PPP1R1C: variants seen among roughly 807,000 people sequenced by gnomAD.
PPP1R1C encodes the protein protein phosphatase 1 regulatory subunit 1C.
PPP1R1C carries 15 observed loss-of-function variants against 17.4 expected under a neutral mutation model. The ratio of observed to expected loss-of-function variants is 0.86; its 90% CI spans 0.58 to 1.33. PPP1R1C has a LOEUF of 1.33. Among genes scored for constraint, PPP1R1C ranks in the 40% most tolerant of loss-of-function variants. The pLI, the probability that PPP1R1C is intolerant of heterozygous loss-of-function variation, is 0.00. For synonymous variants in PPP1R1C, 35 were observed against 43.1 expected, an observed-to-expected ratio of 0.81 and a Z score of 0.73; for missense variants, 143 against 130.0, an observed-to-expected ratio of 1.10 and a Z score of -0.48.
At chr2:182,013,660 C>G (rs972737460) in intron 2 of PPP1R1C, among the ~76,000 whole-genome samples, 1 of 152,074 alleles carries the variant, frequency 6.6e-6, no homozygotes. Flanking sequence ...AGACCATCAA[C>G]TCTTAGATTT....
At chr2:182,059,552 C>T (rs1687788002) in intron 2 of PPP1R1C, among the ~76,000 whole-genome samples, 1 of 152,072 alleles carries the variant, frequency 6.6e-6, no homozygotes, top group African/African-American at 2.4e-5. Flanking sequence ...GAGCTGGCAA[C>T]TATGATCTGT....
intron 4 of PPP1R1C, among the ~76,000 whole-genome samples, chr2:182,103,329 T>C (rs1008131961): frequency 6.6e-6 from 1 of 152,242 alleles, no homozygotes; most frequent in Non-Finnish European, 1.5e-5. Context: ...ATGTAATCTG[T>C]ATGAAATTGC....
intron 2 of PPP1R1C, among the ~76,000 whole-genome samples, chr2:182,052,104 G>A (rs1687539434): frequency 6.6e-6 from 1 of 152,014 alleles, no homozygotes; most frequent in African/African-American, 2.4e-5. Context: ...TAATACATTT[G>A]ATAGAAGTTA....
intron 4 of PPP1R1C, among the ~76,000 whole-genome samples, chr2:182,110,039 G>A (rs1689370949): frequency 6.6e-6 from 1 of 152,100 alleles, no homozygotes. Context: ...AAGCAAGCTG[G>A]TGTTCTATTG....
In PPP1R1C at chr2:181,987,904, A is replaced by G. The variant is rs375961208; in HGVS notation, c.142+5A>G. On this transcript the variant is annotated splice_donor_5th_base_variant and intron_variant, in intron 2 of 4. Transcript: ENST00000682840. ...TCAATGAGCATAACCCCCCAGGTAA[A>G]GAAGCATGATGTGTTTCACACTGAT... The G allele has an allele frequency of 6.8e-6, 11 of 1,610,072 alleles. No individual in the cohort carries two copies. In the African/African-American group the frequency reaches 1.5e-4, roughly 22 times the overall value.
At chr2:182,067,137 T>A (rs1463648786) in intron 4 of PPP1R1C, among the ~76,000 whole-genome samples, 2 of 152,138 alleles carry the variant, frequency 1.3e-5, no homozygotes, top group Non-Finnish European at 2.9e-5. Flanking sequence ...TTACCATTCT[T>A]AATGCATAGC....
At chr2:181,970,511 C>T (rs1684987622) in intron 1 of PPP1R1C, among the ~76,000 whole-genome samples, 1 of 152,160 alleles carries the variant, frequency 6.6e-6, no homozygotes, top group African/African-American at 2.4e-5. Context: ...TCTCTCAGTG[C>T]CGAGCTGTGC....
intron 2 of PPP1R1C, among the ~76,000 whole-genome samples, chr2:181,996,828 A>G (rs928859975): frequency 6.6e-6 from 1 of 152,254 alleles, no homozygotes; most frequent in African/African-American, 2.4e-5. Context: ...ACAACATAGA[A>G]GAATGAGAAG....
At chr2:182,002,938 C>A (rs372797632) in intron 2 of PPP1R1C, among the ~76,000 whole-genome samples, 8 of 142,246 alleles carry the variant, frequency 5.6e-5, no homozygotes, top group East Asian at 2.0e-4. Context: ...CCTCCCCCCC[C>A]CCACAACCCT....
At chr2:182,030,243 C>G (rs1020251404) in intron 2 of PPP1R1C, among the ~76,000 whole-genome samples, 1 of 152,204 alleles carries the variant, frequency 6.6e-6, no homozygotes, top group African/African-American at 2.4e-5. Flanking sequence ...CAGCTTTGTT[C>G]CATTGCTGGT....
chr2:181,993,977 T>C (rs1685540931), intron 2 of PPP1R1C, among the ~76,000 whole-genome samples: 1 of 152,032 alleles, frequency 6.6e-6, no homozygotes, highest in Non-Finnish European at 1.5e-5. Context: ...ATGTTAGTCA[T>C]TGGCAAATAG....
At chr2:182,096,192 G>T (rs1177112716) in intron 4 of PPP1R1C, among the ~76,000 whole-genome samples, 3 of 152,114 alleles carry the variant, frequency 2.0e-5, no homozygotes, top group Non-Finnish European at 4.4e-5. Context: ...GGACAAAAAG[G>T]GCTATAATTT....
downstream of PPP1R1C, among the ~76,000 whole-genome samples, chr2:182,122,250 A>G (rs1031573235): frequency 2.6e-5 from 4 of 152,176 alleles, no homozygotes; most frequent in African/African-American, 9.6e-5. Context: ...TTTTTTTACC[A>G]TTCACTTTTA....
intron 1 of PPP1R1C, among the ~76,000 whole-genome samples, chr2:181,963,117 T>C (rs1217039079): frequency 3.3e-5 from 5 of 152,206 alleles, no homozygotes; most frequent in African/African-American, 9.6e-5. Flanking sequence ...AGGGTCTCAT[T>C]TGATCTGATG....
chr2:182,021,328 T>A (rs1016811010), intron 2 of PPP1R1C, among the ~76,000 whole-genome samples: 1 of 132,592 alleles, frequency 7.5e-6, no homozygotes, highest in African/African-American at 3.1e-5. Flanking sequence ...TCTCTTTTTT[T>A]TTTTTTTTTT....
chr2:182,033,939 A>G (rs1686923384), intron 2 of PPP1R1C, among the ~76,000 whole-genome samples: 1 of 152,214 alleles, frequency 6.6e-6, no homozygotes, highest in Non-Finnish European at 1.5e-5. Context: ...CTGTTCCTGC[A>G]AAACTCTTCT....
chr2:181,974,017 CATT>C (rs1685055899), intron 1 of PPP1R1C, among the ~76,000 whole-genome samples: 1 of 151,778 alleles, frequency 6.6e-6, no homozygotes, highest in African/African-American at 2.4e-5. Flanking sequence ...GCCTTTTAAA[CATT>C]ATGTTAAATA....
At chr2:182,024,339 A>T (rs1433609481) in intron 2 of PPP1R1C, among the ~76,000 whole-genome samples, 1 of 152,186 alleles carries the variant, frequency 6.6e-6, no homozygotes, top group Non-Finnish European at 1.5e-5. Flanking sequence ...TAGAACCAAA[A>T]AATTTAAGGG....
intron 2 of PPP1R1C, among the ~76,000 whole-genome samples, chr2:182,008,484 C>A (rs1685996318): frequency 6.6e-6 from 1 of 152,042 alleles, no homozygotes; most frequent in Non-Finnish European, 1.5e-5. Flanking sequence ...TCGAAGGATC[C>A]TACAAAAGCG....
Sources: allele counts gnomAD v4.1 joint callset (sites outside exome capture counted in the v4.1 genomes callset), GRCh38; gene constraint gnomAD v4.1.1; transcripts MANE v1.5; gene names NCBI Gene and HGNC (gene_info 2026-07-23, HGNC 2026-07-21).